Variants in BMP2K observed in about 807,000 individuals in gnomAD.
The protein encoded by BMP2K is BMP-2-inducible protein kinase.
BMP2K carries 74 observed loss-of-function variants against 116.0 expected under a neutral mutation model. The observed-to-expected ratio is 0.64, with a 90% CI of 0.53 to 0.77. BMP2K has a LOEUF of 0.77. BMP2K is among the 30% of genes least tolerant of loss of function. The pLI is 0.00. For synonymous variants in BMP2K, 486 were observed against 502.5 expected (o/e 0.97, Z 0.44); for missense variants, 1,365 against 1,403.6 (o/e 0.97, Z 0.44).
At chr4:78,779,072 A>G (rs1475876594) in intron 1 of BMP2K, among the ~76,000 whole-genome samples, 1 of 152,162 alleles carries the variant, frequency 6.6e-6, no homozygotes. Context: ...TTTTTAATAA[A>G]TCCGTCCGTC....
rs772151373 is a variant in BMP2K, at chr4:78,911,259, CAAG to C, written c.2716_2718del (p.Lys906del). The C allele has an allele frequency of 1.2e-6, 2 of 1,613,930 alleles. No individual in the cohort carries two copies. The highest frequency in any genetic ancestry group is 3.3e-5 in the Admixed American group (2 of 60,030). ...ATGTATTCACAAAGGCGCCTTTTAG[CAAG>C]AAGGTGAATGTACAAGAATGCCATG... On this transcript the variant is annotated inframe_deletion, in exon 16 of 16. Transcript: ENST00000502613.
At chr4:78,898,572 CTG>C (rs1733831481) in intron 15 of BMP2K, among the ~76,000 whole-genome samples, 2 of 149,820 alleles carry the variant, frequency 1.3e-5, no homozygotes, top group Admixed American at 6.6e-5. Flanking sequence ...ACTGGAAAGA[CTG>C]TAATCTTTCT....
intron 15 of BMP2K, among the ~76,000 whole-genome samples, chr4:78,894,002 C>G (rs974637546): frequency 1.3e-5 from 2 of 152,176 alleles, no homozygotes; most frequent in Non-Finnish European, 2.9e-5. Context: ...TGTCAATGAG[C>G]AGGAATATTT....
intron 15 of BMP2K, 38 bp downstream of exon 15, chr4:78,887,322 A>T: frequency 7.0e-7 from 1 of 1,430,220 alleles, no homozygotes; most frequent in Non-Finnish European, 9.7e-7. Flanking sequence ...GTCACAAATA[A>T]AACACACAAG....
At chr4:78,870,693 T>C (rs1732285074) in intron 10 of BMP2K, 90 bp from the exon 11 acceptor site, 1 of 1,481,958 alleles carries the variant, frequency 6.7e-7, no homozygotes, top group African/African-American at 1.4e-5. Flanking sequence ...AATGCCTTAG[T>C]TAAATTATTA....
At chr4:78,901,483 A>G (rs1264744328) in intron 15 of BMP2K, among the ~76,000 whole-genome samples, 1 of 152,222 alleles carries the variant, frequency 6.6e-6, no homozygotes, top group African/African-American at 2.4e-5. Flanking sequence ...TTTAAAATGT[A>G]GAACCTGTTT....
intron 2 of BMP2K, among the ~76,000 whole-genome samples, chr4:78,831,159 C>T (rs1577907787): frequency 2.0e-5 from 3 of 152,142 alleles, no homozygotes; most frequent in Non-Finnish European, 4.4e-5. Flanking sequence ...AACGGCTAGC[C>T]GGTGGAACAG....
chr4:78,855,394 T>C (rs1731456265), intron 7 of BMP2K, among the ~76,000 whole-genome samples: 1 of 152,064 alleles, frequency 6.6e-6, no homozygotes, highest in Non-Finnish European at 1.5e-5. Flanking sequence ...AGCAGGAAAA[T>C]TGTTTTGAGA....
At chr4:78,790,320 A>G (rs1013284668) in intron 1 of BMP2K, among the ~76,000 whole-genome samples, 6 of 152,244 alleles carry the variant, frequency 3.9e-5, no homozygotes, top group African/African-American at 1.4e-4. Flanking sequence ...GGATATTGAA[A>G]AGCAACTAGG....
At chr4:78,811,566 TTTC>T (rs766250106) in intron 1 of BMP2K, among the ~76,000 whole-genome samples, 9 of 152,318 alleles carry the variant, frequency 5.9e-5, no homozygotes, top group East Asian at 1.9e-4. Flanking sequence ...GCTTCTCCCT[TTTC>T]TTCTTCTTTC....
intron 1 of BMP2K, among the ~76,000 whole-genome samples, chr4:78,809,937 TG>T (rs1729004973): frequency 6.6e-6 from 1 of 152,222 alleles, no homozygotes; most frequent in Admixed American, 6.5e-5. Context: ...TATAATTTTT[TG>T]TTGAAAATTG....
At chr4:78,800,739 C>T (rs911717023) in intron 1 of BMP2K, among the ~76,000 whole-genome samples, 1 of 152,040 alleles carries the variant, frequency 6.6e-6, no homozygotes, top group Non-Finnish European at 1.5e-5. Context: ...GTATTATAAA[C>T]ATCTAAAAAA....
At chr4:78,783,652 A>G (rs558005615) in intron 1 of BMP2K, among the ~76,000 whole-genome samples, 1 of 152,166 alleles carries the variant, frequency 6.6e-6, no homozygotes, top group Non-Finnish European at 1.5e-5. Context: ...CTAAAAACAC[A>G]AATATTAGCC....
chr4:78,860,735 C>T (rs1371812472), intron 8 of BMP2K, among the ~76,000 whole-genome samples: 1 of 150,330 alleles, frequency 6.7e-6, no homozygotes, highest in Admixed American at 6.6e-5. Flanking sequence ...CTTAATCTAC[C>T]CCACTAAGAA....
chr4:78,855,800 C>T (rs1731480448), intron 7 of BMP2K, among the ~76,000 whole-genome samples: 2 of 152,150 alleles, frequency 1.3e-5, no homozygotes, highest in South Asian at 2.1e-4. Flanking sequence ...GAAAGATTTA[C>T]ACTATTGAGT....
intron 2 of BMP2K, among the ~76,000 whole-genome samples, 187 bp downstream of exon 2, chr4:78,826,342 C>G (rs1577903022): frequency 6.6e-6 from 1 of 152,106 alleles, no homozygotes; most frequent in African/African-American, 2.4e-5. Context: ...GCCAGGATTA[C>G]AGGTGTCCAT....
chr4:78,788,902 T>G (rs1217263448), intron 1 of BMP2K, among the ~76,000 whole-genome samples: 14 of 151,300 alleles, frequency 9.3e-5, no homozygotes, highest in Admixed American at 2.6e-4. Context: ...GCTGTTTTTT[T>G]TTTTTTTTTT....
intron 1 of BMP2K, among the ~76,000 whole-genome samples, chr4:78,825,243 A>G (rs1053325878): frequency 2.0e-5 from 3 of 152,124 alleles, no homozygotes; most frequent in East Asian, 1.9e-4. Flanking sequence ...CAGAATTTCC[A>G]TATAAACCAT....
At position 78,887,192 on chromosome 4, in the gene BMP2K, C is replaced by T. The variant is rs539878488; in HGVS notation, c.1970C>T (p.Ala657Val). 3.7e-6 allele frequency: 6 copies of T among 1,607,558 alleles called. No homozygotes were observed. In the South Asian group the frequency reaches 6.7e-5, roughly 18 times the overall value. ...TTTGCAGATAGGCTCGAGGAGAGAGCATCCTCAGATAAGAATGTAGACTCA... is the reference window on the plus strand; with the variant it reads ...TTTGCAGATAGGCTCGAGGAGAGAGTATCCTCAGATAAGAATGTAGACTCA... ...LLRSNRLEER[A>V]SSDKNVDSLS... The change falls in exon 15 of 16, where the codon GCA (alanine) becomes GTA (valine). Residue 657 changes from alanine (A) to valine (V), a missense_variant. Physicochemically the swap from Ala to Val is moderately conservative, Grantham distance 64. Transcript: ENST00000502613.
Sources: gnomAD v4.1 joint callset for allele counts (sites outside exome capture counted in the v4.1 genomes callset) on GRCh38, gnomAD v4.1.1 for gene constraint, MANE v1.5 for transcripts, NCBI Gene and HGNC (gene_info 2026-07-23, HGNC 2026-07-21) for gene names.